The following ZFHX3 variants were observed in gnomAD, a reference collection of about 807,000 sequenced individuals.
ZFHX3 encodes zinc finger homeobox protein 3.
A neutral mutation model predicts 279.1 loss-of-function variants in ZFHX3; 42 were observed. The ratio of observed to expected loss-of-function variants is 0.15; its 90% CI spans 0.12 to 0.19. The LOEUF (loss-of-function observed/expected upper bound fraction) is 0.19, where lower values mean the gene tolerates loss of function less well. Among genes scored for constraint, ZFHX3 ranks in the 10% least tolerant of loss-of-function variants. The pLI is 1.00. For synonymous variants in ZFHX3, 2,293 were observed against 1,957.8 expected (o/e 1.17, Z -4.52); for missense variants, 4,981 against 4,754.0 (o/e 1.05, Z -1.40).
rs138686584 is a variant in ZFHX3 at position 73,443,914 on chromosome 16, C to T, written c.-1291+12089G>A. On this transcript the variant is annotated intron_variant, in intron 3 of 17. Transcript: ENST00000641206. ...GGACTACAGGTGTGTGCCACCATGC[C>T]CAGCTAATTTTTTTATTTTCTTTAT... Among the ~76,000 whole-genome samples the T allele has an allele frequency of 6.0e-4, 91 of 151,992 alleles. No individual in the cohort carries two copies. In the East Asian group the frequency reaches 0.013, roughly 22 times the overall value.
chr16:72,918,365 T>A (rs2039494664), intron 3 of ZFHX3, among the ~76,000 whole-genome samples: 1 of 152,200 alleles, frequency 6.6e-6, no homozygotes, highest in Non-Finnish European at 1.5e-5. Context: ...GCTAAACTGC[T>A]TATGGCATCT....
At position 72,794,280 on chromosome 16, in the gene ZFHX3, C is replaced by G; in HGVS notation, c.8402G>C (p.Ser2801Thr). 4 of 1,613,530 alleles carry G rather than the reference C, an allele frequency of 2.5e-6. No individual in the cohort carries two copies. Among genetic ancestry groups the G allele is most frequent in the Non-Finnish European group, 3.4e-6 (4 of 1,179,676 alleles). ...CCCTTCCACCTTAATGGAGGAAGGG[C>G]TTAGAAGAGTTCTGGGTGACAATTC... ...TMELSPRTLL[S>T]PSSIKVEGIE... is the part of the protein sequence containing the mutation. The change falls in exon 9 of 10, where the codon AGC becomes ACC. Residue 2801 changes from serine (S) to threonine (T), a missense_variant. Ser to Thr is a moderately conservative substitution (Grantham distance 58). Coordinates refer to ENST00000268489, the MANE Select transcript of ZFHX3 (RefSeq NM_006885.4). This position sits in a 1 kb window ranked among gnomAD's most constrained non-coding sequence, Gnocchi z 4.2.
At chr16:73,032,285 G>T (rs1895028332) in intron 1 of ZFHX3, among the ~76,000 whole-genome samples, 1 of 152,104 alleles carries the variant, frequency 6.6e-6, no homozygotes, top group African/African-American at 2.4e-5. Flanking sequence ...CTGGGCGACT[G>T]AACAAGACCC....
intron 5 of ZFHX3, among the ~76,000 whole-genome samples, chr16:73,243,851 T>C (rs1597239130): frequency 6.6e-6 from 1 of 152,112 alleles, no homozygotes; most frequent in Admixed American, 6.5e-5. Flanking sequence ...TGTTACTTAT[T>C]TGGAATTGAT....
intron 4 of ZFHX3, among the ~76,000 whole-genome samples, chr16:72,851,402 A>T (rs1218936591): frequency 6.6e-6 from 1 of 152,204 alleles, no homozygotes; most frequent in African/African-American, 2.4e-5. Context: ...CACCACGGCG[A>T]GTCTTCCAGA....
chr16:73,853,411 C>G (rs1961638265), intron 1 of ZFHX3, among the ~76,000 whole-genome samples: 1 of 152,098 alleles, frequency 6.6e-6, no homozygotes, highest in African/African-American at 2.4e-5. Context: ...AGTCATGGAC[C>G]TACGTGTTCA....
intron 2 of ZFHX3, among the ~76,000 whole-genome samples, chr16:73,525,114 C>T (rs2019669941): frequency 6.6e-6 from 1 of 152,166 alleles, no homozygotes; most frequent in African/African-American, 2.4e-5. Context: ...GGCAAACCAG[C>T]GACATGAGGG....
intron 4 of ZFHX3, among the ~76,000 whole-genome samples, chr16:73,279,482 T>C (rs2014402769): frequency 6.6e-6 from 1 of 152,012 alleles, no homozygotes; most frequent in South Asian, 2.1e-4. Context: ...ATTGAGAAAA[T>C]AATTTTAAGA....
At chr16:72,891,509 G>A (rs1025039832) in intron 3 of ZFHX3, among the ~76,000 whole-genome samples, 1 of 152,196 alleles carries the variant, frequency 6.6e-6, no homozygotes, top group African/African-American at 2.4e-5. Flanking sequence ...TGCACCTGGT[G>A]TAGAAAGGCC....
chr16:73,525,236 C>G (rs1446346760), intron 2 of ZFHX3, among the ~76,000 whole-genome samples: 1 of 152,140 alleles, frequency 6.6e-6, no homozygotes, highest in Admixed American at 6.5e-5. Flanking sequence ...TTACTGATCA[C>G]TAAGTCATGT....
chr16:73,143,662 C>G (rs1966853333), intron 6 of ZFHX3: 1 of 950,754 alleles, frequency 1.1e-6, no homozygotes, highest in Non-Finnish European at 1.5e-6. Flanking sequence ...TGTTTGGTGT[C>G]CTTGTCTGGC....
At chr16:73,550,838 A>G (rs1290529779) in intron 2 of ZFHX3, among the ~76,000 whole-genome samples, 2 of 152,236 alleles carry the variant, frequency 1.3e-5, no homozygotes, top group Admixed American at 6.5e-5. Flanking sequence ...GTCTTCTGAA[A>G]GGGAATTATT....
intron 6 of ZFHX3, among the ~76,000 whole-genome samples, chr16:73,139,082 C>A (rs76620079): frequency 2.0e-5 from 3 of 152,154 alleles, no homozygotes; most frequent in Non-Finnish European, 4.4e-5. Flanking sequence ...TTCCGCCTTA[C>A]AGAAATTTAT....
chr16:72,833,391 CATT>C (rs1477442047), intron 4 of ZFHX3, among the ~76,000 whole-genome samples: 3 of 152,112 alleles, frequency 2.0e-5, no homozygotes, highest in Non-Finnish European at 2.9e-5. Context: ...CTGGCTGGGT[CATT>C]ATTACAGAGG....
chr16:73,539,419 C>T (rs1395657962), intron 2 of ZFHX3, among the ~76,000 whole-genome samples: 5 of 138,622 alleles, frequency 3.6e-5, no homozygotes, highest in Non-Finnish European at 4.7e-5. Flanking sequence ...AAATTTTTTT[C>T]CCTTCCTCTT....
At chr16:73,326,549 C>T (rs2015693143) in intron 3 of ZFHX3, among the ~76,000 whole-genome samples, 1 of 152,070 alleles carries the variant, frequency 6.6e-6, no homozygotes, top group Admixed American at 6.5e-5. Context: ...ATTTGCAATG[C>T]CAAGAATAGG....
chr16:73,044,984 T>C lies in ZFHX3; in HGVS notation c.-50+2768A>G, dbSNP rs1307368492. Among the ~76,000 whole-genome samples the C allele has an allele frequency of 2.0e-5, 3 of 152,214 alleles. No homozygotes were observed. In the East Asian group the frequency reaches 5.8e-4, roughly 29 times the overall value. ...CTTTAAATAATTCAAGCCAGTTCCC[T>C]ACACTTTTACAAAATGTTGCTTAGT... On this transcript the variant is annotated intron_variant, in intron 1 of 9. Transcript: ENST00000268489.
intron 5 of ZFHX3, among the ~76,000 whole-genome samples, chr16:73,246,365 G>C (rs1324901360): frequency 6.6e-6 from 1 of 152,142 alleles, no homozygotes; most frequent in East Asian, 1.9e-4. Flanking sequence ...ATATCTATGA[G>C]GTCTCTGTCC....
intron 3 of ZFHX3, among the ~76,000 whole-genome samples, chr16:73,442,624 C>T (rs949062097): frequency 6.6e-6 from 1 of 152,032 alleles, no homozygotes; most frequent in Non-Finnish European, 1.5e-5. Flanking sequence ...AATAGAATTC[C>T]CAGTATATGG....
Sources: allele counts gnomAD v4.1 joint callset (sites outside exome capture counted in the v4.1 genomes callset), GRCh38; gene constraint gnomAD v4.1.1; non-coding constraint Gnocchi (gnomAD v3.1); transcripts MANE v1.5; gene names NCBI Gene and HGNC (gene_info 2026-07-23, HGNC 2026-07-21).